CNTN4: variants seen among roughly 807,000 people sequenced by gnomAD.
CNTN4 encodes contactin 4, also known as contactin-4.
Under a neutral mutation model 122.5 loss-of-function variants are expected in CNTN4, and 77 were observed. That is an observed-to-expected ratio of 0.63 (90% CI 0.52 to 0.76). The LOEUF is 0.76. CNTN4 is among the 30% of genes least tolerant of loss of function. CNTN4 has a pLI of 0.00. For missense variants in CNTN4, 1,256 were observed against 1,259.1 expected (o/e 1.00, Z 0.04); for synonymous variants, 512 against 447.0 (o/e 1.15, Z -1.83).
At chr3:2,617,804 T>C (rs2081830598) in intron 4 of CNTN4, among the ~76,000 whole-genome samples, 1 of 152,156 alleles carries the variant, frequency 6.6e-6, no homozygotes. Flanking sequence ...TGATAATGTC[T>C]CTATTTCTTC....
At chr3:2,861,982 C>A (rs780793246) in intron 7 of CNTN4, among the ~76,000 whole-genome samples, 1 of 152,230 alleles carries the variant, frequency 6.6e-6, no homozygotes, top group Non-Finnish European at 1.5e-5. Flanking sequence ...ACAGAATCAG[C>A]TCTTCTGAAT....
chr3:2,875,157 A>G (rs998619409), intron 8 of CNTN4, among the ~76,000 whole-genome samples: 1 of 151,866 alleles, frequency 6.6e-6, no homozygotes, highest in Admixed American at 6.6e-5. Context: ...TAATTTTTGT[A>G]TTTTTAGTAG....
intron 3 of CNTN4, among the ~76,000 whole-genome samples, chr3:2,472,241 G>C (rs1429568758): frequency 2.0e-5 from 3 of 151,284 alleles, no homozygotes. Flanking sequence ...GTTGTTGTTT[G>C]TTCATTCATT....
intron 3 of CNTN4, among the ~76,000 whole-genome samples, chr3:2,340,725 A>AGAGAGAGGGG (rs1163119471): frequency 5.8e-5 from 8 of 138,832 alleles, no homozygotes; most frequent in African/African-American, 1.3e-4. Flanking sequence ...AGAGAGAGAG[A>AGAGAGAGGGG]GAGAGAGAGA....
At chr3:2,536,294 C>A (rs930773289) in intron 3 of CNTN4, among the ~76,000 whole-genome samples, 4 of 152,136 alleles carry the variant, frequency 2.6e-5, no homozygotes, top group African/African-American at 9.7e-5. Context: ...ATTCTTTCGT[C>A]CCAGTTTTTA....
chr3:2,171,109 G>T (rs1435916933), intron 2 of CNTN4, among the ~76,000 whole-genome samples: 1 of 152,042 alleles, frequency 6.6e-6, no homozygotes, highest in East Asian at 1.9e-4. Flanking sequence ...TGTAAAACAC[G>T]AATTCTTTAT....
chr3:2,110,931 G>A (rs75675939), intron 2 of CNTN4, among the ~76,000 whole-genome samples: 1 of 152,154 alleles, frequency 6.6e-6, no homozygotes, highest in African/African-American at 2.4e-5. Context: ...CATCATGTTA[G>A]TGAAAATTCC....
At chr3:2,807,526 G>A (rs2092498415) in intron 6 of CNTN4, among the ~76,000 whole-genome samples, 1 of 151,032 alleles carries the variant, frequency 6.6e-6, no homozygotes, top group Admixed American at 6.6e-5. Flanking sequence ...AGCTAATTCA[G>A]CATCCAGTAT....
At chr3:2,840,385 C>A (rs4684358) in intron 7 of CNTN4, among the ~76,000 whole-genome samples, 12 of 151,580 alleles carry the variant, frequency 7.9e-5, no homozygotes, top group Non-Finnish European at 1.5e-4. Flanking sequence ...CTTTCTCCTC[C>A]TCCTCCACCT....
At chr3:2,813,941 C>G (rs1271044075) in intron 6 of CNTN4, among the ~76,000 whole-genome samples, 1 of 152,166 alleles carries the variant, frequency 6.6e-6, no homozygotes, top group African/African-American at 2.4e-5. Flanking sequence ...CACGTCCACT[C>G]CTCCAGGAAT....
rs989418182 is a variant in CNTN4 at position 2,363,014 on chromosome 3, A to G, written c.-89+23781A>G. Among the ~76,000 whole-genome samples the G allele has an allele frequency of 2.6e-5, 4 of 152,152 alleles. No homozygotes were observed. The South Asian group carries it at 6.2e-4, about 24-fold the overall frequency. Reference sequence around the variant, plus strand: ...TTATTTTTCATGTATCTGCTGAGACAATGTTCCAGGTTTCTACAGGAGGAT... The same window carrying G: ...TTATTTTTCATGTATCTGCTGAGACGATGTTCCAGGTTTCTACAGGAGGAT... On this transcript the variant is annotated intron_variant, in intron 3 of 24. Coordinates refer to ENST00000418658, the MANE Select transcript of CNTN4 (RefSeq NM_175607.3).
At chr3:2,991,049 T>C (rs931869890) in intron 14 of CNTN4, among the ~76,000 whole-genome samples, 8 of 152,044 alleles carry the variant, frequency 5.3e-5, no homozygotes, top group Non-Finnish European at 8.8e-5. Flanking sequence ...ATGCAAAAAA[T>C]CATGAAGATG....
chr3:3,041,343 A>G (rs2125776144), intron 20 of CNTN4, among the ~76,000 whole-genome samples: 1 of 152,342 alleles, frequency 6.6e-6, no homozygotes, highest in South Asian at 2.1e-4. Context: ...CAATTATTCA[A>G]ACAAGCTTCA....
intron 2 of CNTN4, among the ~76,000 whole-genome samples, chr3:2,187,692 C>T (rs184905375): frequency 2.3e-4 from 35 of 152,288 alleles, no homozygotes; most frequent in Non-Finnish European, 4.4e-4. Context: ...CTGCCCTAAC[C>T]TGATGAGTCT....
intron 9 of CNTN4, among the ~76,000 whole-genome samples, chr3:2,883,885 A>G (rs2093939568): frequency 6.6e-6 from 1 of 152,206 alleles, no homozygotes. Flanking sequence ...AAGAACATGA[A>G]ATGCACATCA....
chr3:2,729,126 T>C lies in CNTN4; in HGVS notation c.56-7089T>C, dbSNP rs1453696971. On this transcript the variant is annotated intron_variant, in intron 4 of 24. Coordinates refer to ENST00000418658, the MANE Select transcript of CNTN4 (RefSeq NM_175607.3). ...CAGTTGAATTTGCAACAGATGGAAATACTTCCAGCAAAAGAAAAGGGTGCT... is the reference window on the plus strand; with the variant it reads ...CAGTTGAATTTGCAACAGATGGAAACACTTCCAGCAAAAGAAAAGGGTGCT... Among the ~76,000 whole-genome samples the C allele has an allele frequency of 2.0e-5, 3 of 152,142 alleles. No individual in the cohort carries two copies. In the East Asian group the frequency reaches 5.8e-4, roughly 29 times the overall value.
At chr3:2,452,732 G>GGAGTCC (rs2151376299) in intron 3 of CNTN4, among the ~76,000 whole-genome samples, 1 of 152,192 alleles carries the variant, frequency 6.6e-6, no homozygotes, top group East Asian at 1.9e-4. Flanking sequence ...AGAGCATGTA[G>GGAGTCC]GAGTATATGA....
At chr3:2,147,196 A>G (rs2035287294) in intron 2 of CNTN4, among the ~76,000 whole-genome samples, 1 of 152,136 alleles carries the variant, frequency 6.6e-6, no homozygotes, top group African/African-American at 2.4e-5. Context: ...ATAGTATTAT[A>G]GAAAATGTCG....
chr3:2,340,729 A>AGAGGGGGAGAGAGAGAGAGAGAGAGAGG (rs1559468414), intron 3 of CNTN4, among the ~76,000 whole-genome samples: 1 of 140,240 alleles, frequency 7.1e-6, no homozygotes, highest in Non-Finnish European at 1.6e-5. Flanking sequence ...AGAGAGAGAG[A>AGAGGGGGAGAGAGAGAGAGAGAGAGAGG]GAGAGAGAGA....
Sources: gnomAD v4.1 joint callset for allele counts (sites outside exome capture counted in the v4.1 genomes callset) on GRCh38, gnomAD v4.1.1 for gene constraint, MANE v1.5 for transcripts, NCBI Gene and HGNC (gene_info 2026-07-23, HGNC 2026-07-21) for gene names.